CAPZA2: variants seen among roughly 807,000 people sequenced by gnomAD.
CAPZA2 encodes the protein F-actin-capping protein subunit alpha-2.
In CAPZA2, 13 loss-of-function variants were observed where a neutral mutation model predicts 44.0. The ratio of observed to expected loss-of-function variants is 0.30; its 90% CI spans 0.19 to 0.47. The LOEUF (loss-of-function observed/expected upper bound fraction) is 0.47. CAPZA2 is among the 20% of genes least tolerant of loss of function. The pLI, the probability that CAPZA2 is intolerant of heterozygous loss-of-function variation, is 1.00. For synonymous variants in CAPZA2, 94 were observed against 108.2 expected, an observed-to-expected ratio of 0.87 and a Z score of 0.81; for missense variants, 244 against 338.6, an observed-to-expected ratio of 0.72 and a Z score of 2.19.
Position 116,894,102 on chromosome 7 carries a change from G to T in CAPZA2, c.155+1057G>T, listed in dbSNP as rs139146352. 5.3e-4 allele frequency among the ~76,000 whole-genome samples: 80 copies of T among 152,248 alleles called. No individual in the cohort carries two copies. The East Asian group carries it at 0.014, about 26-fold the overall frequency. ...CTGATGGCTGGGTGCGGTGGCTCAC[G>T]CCTGTAATCCCAGCACTTTGGGAGG... On this transcript the variant is annotated intron_variant, in intron 3 of 9. Transcript: ENST00000361183.
At chr7:116,886,635 G>T (rs932039676) in intron 1 of CAPZA2, among the ~76,000 whole-genome samples, 1 of 152,198 alleles carries the variant, frequency 6.6e-6, no homozygotes, top group African/African-American at 2.4e-5. Flanking sequence ...GTGAGTACTT[G>T]AATGTGCATA....
At chr7:116,893,833 A>G (rs958311738) in intron 3 of CAPZA2, among the ~76,000 whole-genome samples, 1 of 152,200 alleles carries the variant, frequency 6.6e-6, no homozygotes, top group Non-Finnish European at 1.5e-5. Flanking sequence ...ATCTTAATAC[A>G]TCGTCTTTGC....
chr7:116,872,485 A>T (rs1170264064), intron 1 of CAPZA2, among the ~76,000 whole-genome samples: 2 of 152,206 alleles, frequency 1.3e-5, no homozygotes, highest in Non-Finnish European at 2.9e-5. Context: ...AATGATAATT[A>T]TAAAGGAAAA....
intron 1 of CAPZA2, among the ~76,000 whole-genome samples, chr7:116,865,116 G>A (rs924416278): frequency 6.6e-6 from 1 of 150,844 alleles, no homozygotes; most frequent in South Asian, 2.1e-4. Flanking sequence ...CAAGATGAAG[G>A]TAGTATTTAA....
intron 1 of CAPZA2, among the ~76,000 whole-genome samples, chr7:116,877,306 C>T (rs1057311495): frequency 1.3e-5 from 2 of 152,040 alleles, no homozygotes; most frequent in Non-Finnish European, 2.9e-5. Flanking sequence ...TCTGTATGAC[C>T]TTTTCTTCTG....
chr7:116,867,428 C>G (rs1796495867), intron 1 of CAPZA2, among the ~76,000 whole-genome samples: 1 of 152,152 alleles, frequency 6.6e-6, no homozygotes, highest in Non-Finnish European at 1.5e-5. Flanking sequence ...CCTCCATTGC[C>G]TTTACAAGGA....
intron 8 of CAPZA2, among the ~76,000 whole-genome samples, chr7:116,913,853 G>T (rs1269243104): frequency 7.0e-6 from 1 of 142,584 alleles, no homozygotes; most frequent in African/African-American, 2.6e-5. Context: ...GACTCATGCA[G>T]TTTACCCACC....
chr7:116,887,192 A>AT lies in CAPZA2; in HGVS notation c.40-926dup, dbSNP rs563343418. Among the ~76,000 whole-genome samples, 16 of 151,020 alleles carry AT rather than the reference A, an allele frequency of 1.1e-4. No homozygotes were observed. In the South Asian group the frequency reaches 2.1e-3, roughly 20 times the overall value. ...TCACACATAGAAAATTTTGTCATTG[A>AT]TTTTTTTTTCACTTTAGTTTAGAAG... is the stretch of plus-strand genomic sequence containing the variant. On this transcript the variant is annotated intron_variant, in intron 1 of 9. Coordinates refer to ENST00000361183, the MANE Select transcript of CAPZA2 (RefSeq NM_006136.3).
intron 2 of CAPZA2, 96 bp from the exon 3 acceptor site, chr7:116,892,898 G>A (rs1796868258): frequency 1.7e-6 from 1 of 599,440 alleles, no homozygotes; most frequent in Admixed American, 2.9e-5. Context: ...TTGTGTTTGG[G>A]GTGGGAGGTG....
Position 116,921,184 on chromosome 7 carries a change from G to A in CAPZA2, c.*3317G>A, listed in dbSNP as rs1791765607. The A allele has an allele frequency of 6.6e-6, 1 of 152,046 alleles. No individual in the cohort carries two copies. The allele number at this position is 152,046 out of a possible 1,614,324, so 9.4% of individuals were successfully genotyped here. A position where few individuals can be genotyped will look rare whatever the true frequency, so the allele number is the denominator to read the frequency against. ...GTGGATCATGAGGTCCAGAGATCAA[G>A]ACCATCCTGGCCAATATGGTGCAAC... is the stretch of plus-strand genomic sequence containing the variant. On this transcript the variant is annotated 3_prime_UTR_variant, in exon 10 of 10. Transcript: ENST00000361183.
intron 1 of CAPZA2, chr7:116,875,549 T>A (rs1562957168): frequency 6.6e-6 from 1 of 151,826 alleles, no homozygotes; most frequent in Non-Finnish European, 1.5e-5. Flanking sequence ...GTTTTTTTTT[T>A]TTATTTTTTG....
chr7:116,890,886 T>C lies in CAPZA2; in HGVS notation c.104-2108T>C, dbSNP rs561157882. On this transcript the variant is annotated intron_variant, in intron 2 of 9. Transcript: ENST00000361183. ...TTTATTGAAAACCACAGTGTCAGAA[T>C]GATTCCAAAAAGAGCCACAAAATTT... Among the ~76,000 whole-genome samples the C allele has an allele frequency of 2.0e-5, 3 of 151,230 alleles. No individual in the cohort carries two copies. In the East Asian group the frequency reaches 5.8e-4, roughly 29 times the overall value.
intron 1 of CAPZA2, among the ~76,000 whole-genome samples, chr7:116,872,305 A>G (rs1430063917): frequency 6.6e-6 from 1 of 152,228 alleles, no homozygotes; most frequent in Non-Finnish European, 1.5e-5. Context: ...AGAATAGTTT[A>G]CATAACTTAC....
chr7:116,884,265 T>C (rs1413848168), intron 1 of CAPZA2, among the ~76,000 whole-genome samples: 2 of 152,204 alleles, frequency 1.3e-5, no homozygotes, highest in Non-Finnish European at 2.9e-5. Context: ...AATTAGCATA[T>C]AGTGAGTACT....
intron 1 of CAPZA2, among the ~76,000 whole-genome samples, chr7:116,863,910 A>ATG (rs1368431537): frequency 6.6e-6 from 1 of 152,074 alleles, no homozygotes. Flanking sequence ...CCCATTCCCA[A>ATG]TGTGAATGGT....
rs1053592032 is a variant in CAPZA2 at position 116,921,440 on chromosome 7, T to C, written c.*3573T>C. 2.6e-5 allele frequency: 4 copies of C among 152,066 alleles called. No homozygotes were observed. Among genetic ancestry groups the C allele is most frequent in the African/African-American group, 9.7e-5 (4 of 41,374 alleles). The allele number at this position is 152,066 out of a possible 1,614,324, so 9.4% of individuals were successfully genotyped here. On this transcript the variant is annotated 3_prime_UTR_variant, in exon 10 of 10. Coordinates refer to ENST00000361183, the MANE Select transcript of CAPZA2 (RefSeq NM_006136.3). ...GCTCACGCCTATAATCCCAGCACTTTGGGAGGCCACGGCAAGTGGATCATT... is the reference window on the plus strand; with the variant it reads ...GCTCACGCCTATAATCCCAGCACTTCGGGAGGCCACGGCAAGTGGATCATT...
intron 3 of CAPZA2, among the ~76,000 whole-genome samples, chr7:116,898,057 T>C (rs1390472777): frequency 6.6e-6 from 1 of 152,170 alleles, no homozygotes; most frequent in Non-Finnish European, 1.5e-5. Context: ...GAGCCAGGCA[T>C]TGAGCTTGGT....
At chr7:116,882,806 A>G (rs1389048869) in intron 1 of CAPZA2, among the ~76,000 whole-genome samples, 1 of 152,218 alleles carries the variant, frequency 6.6e-6, no homozygotes, top group African/African-American at 2.4e-5. Flanking sequence ...GATTTAACTC[A>G]GGTTATACTT....
intron 2 of CAPZA2, chr7:116,888,777 C>T (rs556884147): frequency 1.3e-5 from 2 of 150,754 alleles, no homozygotes; most frequent in East Asian, 3.9e-4. Context: ...TGCAGAGAGC[C>T]GAGATCACAC....
Sources: allele counts gnomAD v4.1 joint callset (sites outside exome capture counted in the v4.1 genomes callset), GRCh38; gene constraint gnomAD v4.1.1; transcripts MANE v1.5; gene names NCBI Gene and HGNC (gene_info 2026-07-23, HGNC 2026-07-21).